The following DUS2 variants were observed in gnomAD, a reference collection of about 807,000 sequenced individuals.
The protein encoded by DUS2 is tRNA-dihydrouridine(20) synthase [NAD(P)+]-like.
A neutral mutation model predicts 71.3 loss-of-function variants in DUS2; 52 were observed. That is an observed-to-expected ratio of 0.73 (90% confidence interval 0.58 to 0.92). The LOEUF (loss-of-function observed/expected upper bound fraction) is 0.92, where lower values mean the gene tolerates loss of function less well. Among genes scored for constraint, DUS2 ranks in the 40% least tolerant of loss-of-function variants. The pLI is 0.00. For missense variants in DUS2, 558 were observed against 622.6 expected (o/e 0.90, Z 1.10); for synonymous variants, 204 against 227.8 (o/e 0.90, Z 0.94).
chr16:68,070,363 C>T (rs1042132264), intron 11 of DUS2, 143 bp downstream of exon 11: 2 of 689,416 alleles, frequency 2.9e-6, no homozygotes, highest in Non-Finnish European at 5.0e-6. Flanking sequence ...CAGACCTGTT[C>T]CTTCTGCTGC....
chr16:68,074,276 G>A, intron 13 of DUS2, 121 bp downstream of exon 13: 1 of 1,294,334 alleles, frequency 7.7e-7, no homozygotes, highest in Middle Eastern at 1.9e-4. Context: ...ATGTAGAGGA[G>A]TGGAGTGATG....
chr16:68,053,203 C>T (rs112215330), intron 4 of DUS2, among the ~76,000 whole-genome samples: 45 of 152,320 alleles, frequency 3.0e-4, no homozygotes, highest in African/African-American at 4.8e-4. Flanking sequence ...CCTCATGATC[C>T]GCCCGCCTCG....
intron 4 of DUS2, among the ~76,000 whole-genome samples, chr16:68,049,872 C>T (rs1310427725): frequency 1.3e-5 from 2 of 152,192 alleles, no homozygotes; most frequent in Non-Finnish European, 2.9e-5. Flanking sequence ...AGATGTGTGA[C>T]CTTGGGCAGG....
chr16:68,057,003 A>G (rs1171104159), intron 7 of DUS2, among the ~76,000 whole-genome samples: 5 of 140,296 alleles, frequency 3.6e-5, no homozygotes, highest in Non-Finnish European at 7.6e-5. Context: ...ATATAAATAT[A>G]TAATATATAA....
intron 12 of DUS2, among the ~76,000 whole-genome samples, chr16:68,073,150 C>T (rs774036953): frequency 6.6e-6 from 1 of 152,252 alleles, no homozygotes; most frequent in Non-Finnish European, 1.5e-5. Context: ...CACTTCGAGA[C>T]CTCAGTCAGG....
In DUS2 at chr16:68,078,505, C is replaced by G. The variant is rs144941462; in HGVS notation, c.1231C>G (p.Gln411Glu). 1.9e-4 allele frequency: 299 copies of G among 1,613,952 alleles called. No individual in the cohort carries two copies. The highest frequency in any genetic ancestry group is 2.3e-4 in the Non-Finnish European group (276 of 1,180,016). Residue 411 changes from glutamine to glutamate, a missense_variant, in exon 16 of 17, where the codon CAG becomes GAG. Gln to Glu is a conservative substitution (Grantham distance 29). Coordinates refer to ENST00000565263, the MANE Select transcript of DUS2 (RefSeq NM_017803.5). ...SIVTVAEQKY[Q>E]STLWDKSKKL... The stretch of plus-strand genomic sequence containing the variant: ...TGTCACCGTTGCTGAACAAAAGTAT[C>G]AGTCTACCTTGTGGTAAGTTTCCTT...
intron 2 of DUS2, among the ~76,000 whole-genome samples, chr16:68,032,580 T>A (rs1486260628): frequency 6.6e-6 from 1 of 152,312 alleles, no homozygotes; most frequent in South Asian, 2.1e-4. Flanking sequence ...GACCTTAGCA[T>A]GGGCATGCAT....
rs770006864 is a variant in DUS2, at chr16:68,075,490, T to C, written c.1068T>C (p.Ala356=). 6 of 1,612,334 alleles carry C rather than the reference T, an allele frequency of 3.7e-6. No homozygotes were observed. The South Asian group carries it at 6.6e-5, about 18-fold the overall frequency. The change falls in exon 14 of 17, where the codon GCT becomes GCC. Residue 356 remains alanine, a synonymous_variant. Coordinates refer to ENST00000565263, the MANE Select transcript of DUS2 (RefSeq NM_017803.5). The part of the protein sequence containing the change: ...AEDTSGVIKM[A]VKFDRRAYPA... ...ATACCTCTGGTGTCATTAAGATGGC[T>C]GTCAAGTTTGACCGGTAGGTCTCCA...
intron 3 of DUS2, among the ~76,000 whole-genome samples, chr16:68,046,004 C>T (rs1302937478): frequency 1.3e-5 from 2 of 152,208 alleles, no homozygotes; most frequent in Non-Finnish European, 2.9e-5. Flanking sequence ...AGGCGTGAGC[C>T]ACTGTCCCTG....
intron 1 of DUS2, among the ~76,000 whole-genome samples, chr16:68,025,068 G>GATTT (rs1418596621): frequency 5.9e-5 from 9 of 152,228 alleles, no homozygotes; most frequent in Non-Finnish European, 7.4e-5. Context: ...CTGACCTCAT[G>GATTT]ATTTGCCCAC....
At chr16:68,047,540 A>G (rs1167566180) in intron 3 of DUS2, among the ~76,000 whole-genome samples, 2 of 146,356 alleles carry the variant, frequency 1.4e-5, no homozygotes, top group Non-Finnish European at 3.0e-5. Flanking sequence ...CTGGAGTGCA[A>G]TGGCGCAATC....
chr16:68,045,423 C>T (rs1334020491), intron 3 of DUS2, among the ~76,000 whole-genome samples: 1 of 151,316 alleles, frequency 6.6e-6, no homozygotes, highest in African/African-American at 2.4e-5. Flanking sequence ...CTGGCCAACA[C>T]GATGAAACCC....
At chr16:68,042,298 A>G (rs1054644201) in intron 3 of DUS2, among the ~76,000 whole-genome samples, 11 of 152,214 alleles carry the variant, frequency 7.2e-5, no homozygotes, top group Admixed American at 2.6e-4. Flanking sequence ...TATCTCTTTC[A>G]ATTGTGAATA....
At chr16:68,071,890 GA>G (rs1337084177) in intron 12 of DUS2, among the ~76,000 whole-genome samples, 2 of 152,190 alleles carry the variant, frequency 1.3e-5, no homozygotes, top group African/African-American at 2.4e-5. Flanking sequence ...TTCTCATTGA[GA>G]GGTTGATGGT....
At chr16:68,074,268 G>A in intron 13 of DUS2, 113 bp downstream of exon 13, 2 of 1,365,664 alleles carry the variant, frequency 1.5e-6, no homozygotes, top group Admixed American at 2.0e-5. Flanking sequence ...GGATGTAGAT[G>A]TAGAGGAGTG....
chr16:68,053,271 AT>A (rs964751893), intron 4 of DUS2, among the ~76,000 whole-genome samples: 1 of 152,148 alleles, frequency 6.6e-6, no homozygotes, highest in African/African-American at 2.4e-5. Context: ...CGGTTTTAAC[AT>A]TTTAAACGTT....
At chr16:68,046,785 C>T (rs1237965192) in intron 3 of DUS2, among the ~76,000 whole-genome samples, 10 of 149,782 alleles carry the variant, frequency 6.7e-5, no homozygotes, top group African/African-American at 2.2e-4. Context: ...CTTGCTCTGT[C>T]GCCGAGGCTG....
intron 12 of DUS2, among the ~76,000 whole-genome samples, chr16:68,073,483 G>A (rs1426483486): frequency 6.1e-5 from 8 of 130,342 alleles, no homozygotes; most frequent in African/African-American, 2.4e-4. Context: ...GAGTTTTGCT[G>A]TTGTCGCCCA....
chr16:68,037,380 T>TCCC (rs2033546620), intron 2 of DUS2, among the ~76,000 whole-genome samples: 4 of 151,800 alleles, frequency 2.6e-5, no homozygotes, highest in African/African-American at 9.7e-5. Flanking sequence ...GGTCTGGAGT[T>TCCC]CAAGACCAGC....
Sources: allele counts gnomAD v4.1 joint callset (sites outside exome capture counted in the v4.1 genomes callset), GRCh38; gene constraint gnomAD v4.1.1; transcripts MANE v1.5; gene names NCBI Gene and HGNC (gene_info 2026-07-23, HGNC 2026-07-21).